The following ABCB1 variants were observed in gnomAD, a reference collection of about 807,000 sequenced individuals.
ABCB1 encodes the protein ATP binding cassette subfamily B member 1.
Under a neutral mutation model 142.0 loss-of-function variants are expected in ABCB1, and 69 were observed. That is an observed-to-expected ratio of 0.49 (90% CI 0.40 to 0.59). The LOEUF is 0.59. Ranked by LOEUF, ABCB1 falls within the 20% of genes least tolerant of loss-of-function variation. The pLI is 0.00. For missense variants in ABCB1, 1,326 were observed against 1,554.7 expected, an observed-to-expected ratio of 0.85 and a Z score of 2.47; for synonymous variants, 532 against 539.2, an observed-to-expected ratio of 0.99 and a Z score of 0.18.
chr7:87,700,663 A>G (rs1828950924), intron 1 of ABCB1: 1 of 968,438 alleles, frequency 1.0e-6, no homozygotes, highest in Non-Finnish European at 1.5e-6. Flanking sequence ...CTTAAGAAGC[A>G]TAATAAAATA....
At chr7:87,617,023 T>A (rs1380665017) in intron 1 of ABCB1, among the ~76,000 whole-genome samples, 2 of 152,024 alleles carry the variant, frequency 1.3e-5, no homozygotes, top group Non-Finnish European at 2.9e-5. Flanking sequence ...CTCATGGGAG[T>A]GGGATACAAG....
In ABCB1 at chr7:87,516,598, C is replaced by T. The variant is rs72552784; in HGVS notation, c.2995G>A (p.Ala999Thr). 6.2e-7 allele frequency: 1 copy of T among 1,614,164 alleles called. No homozygotes were observed. Among genetic ancestry groups the T allele is most frequent in the Non-Finnish European group, 8.5e-7 (1 of 1,180,038 alleles). ...TGGGCTGCTGATATTTTGGCTTTGG[C>T]ATAGTCAGGAGCAAATGAACTGACT... Reference protein sequence around the residue: ...GQVSSFAPDYAKAKISAAHII... With the variant: ...GQVSSFAPDYTKAKISAAHII... Residue 999 changes from alanine (A) to threonine (T), a missense_variant, in exon 24 of 28, where the codon GCC becomes ACC. Coordinates refer to ENST00000622132, the MANE Select transcript of ABCB1 (RefSeq NM_001348946.2).
In ABCB1 at chr7:87,664,504, A is replaced by G. The variant is rs1404624329; in HGVS notation, c.-331+48657T>C. On this transcript the variant is annotated intron_variant, in intron 1 of 28. Coordinates refer to the ABCB1 transcript ENST00000265724. Reference sequence around the variant, plus strand: ...AAAGCAGCCATTATAACCCTGCTCCATGATGTAAGGTGTAACTCTTGAAAT... The same window carrying G: ...AAAGCAGCCATTATAACCCTGCTCCGTGATGTAAGGTGTAACTCTTGAAAT... 3.9e-5 allele frequency among the ~76,000 whole-genome samples: 6 copies of G among 152,294 alleles called. No homozygotes were observed. In the East Asian group the frequency reaches 9.6e-4, roughly 24 times the overall value.
At chr7:87,526,706 T>C (rs1815796961) in intron 21 of ABCB1, among the ~76,000 whole-genome samples, 1 of 152,146 alleles carries the variant, frequency 6.6e-6, no homozygotes, top group Non-Finnish European at 1.5e-5. Flanking sequence ...CTAAGTACTT[T>C]CTGACTTCAA....
In ABCB1 at chr7:87,672,201, C is replaced by T. The variant is rs183036636; in HGVS notation, c.-331+40960G>A. On this transcript the variant is annotated intron_variant, in intron 1 of 28. Coordinates refer to the ABCB1 transcript ENST00000265724. ...CAGGCAGGGATGGCTAGAGGCCCCA[C>T]TTGGGAGGTTCCACCCATAGGAGGA... Among the ~76,000 whole-genome samples the T allele has an allele frequency of 1.5e-4, 23 of 152,288 alleles. No homozygotes were observed. The East Asian group carries it at 3.9e-3, about 26-fold the overall frequency.
At chr7:87,545,478 G>C (rs78397483) in intron 15 of ABCB1, among the ~76,000 whole-genome samples, 2 of 151,896 alleles carry the variant, frequency 1.3e-5, no homozygotes, top group African/African-American at 4.8e-5. Context: ...CCATGATATC[G>C]TTTCAACATG....
At chr7:87,658,604 TAAAGAC>T (rs1412591041) in intron 1 of ABCB1, among the ~76,000 whole-genome samples, 4 of 151,878 alleles carry the variant, frequency 2.6e-5, no homozygotes, top group Non-Finnish European at 4.4e-5. Context: ...AACCAATAAA[TAAAGAC>T]AAAGAAAAAA....
intron 14 of ABCB1, 136 bp downstream of exon 14, chr7:87,549,212 C>T: frequency 1.0e-6 from 1 of 985,538 alleles, no homozygotes; most frequent in Non-Finnish European, 1.5e-6. Context: ...AGGCCCAATG[C>T]TTTTATTTTA....
At chr7:87,626,484 T>C (rs566821655) in intron 1 of ABCB1, among the ~76,000 whole-genome samples, 1 of 13,696 alleles carries the variant, frequency 7.3e-5, no homozygotes, top group Non-Finnish European at 1.0e-4. Flanking sequence ...TATATATGTG[T>C]CATATATATG....
At chr7:87,568,119 A>G (rs1817859214) in intron 5 of ABCB1, among the ~76,000 whole-genome samples, 2 of 149,376 alleles carry the variant, frequency 1.3e-5, no homozygotes, top group African/African-American at 4.9e-5. Context: ...AAAAAAAGAA[A>G]AGCAAACAAT....
chr7:87,671,321 G>T (rs767903651), intron 1 of ABCB1, among the ~76,000 whole-genome samples: 22 of 152,188 alleles, frequency 1.4e-4, no homozygotes, highest in Non-Finnish European at 2.1e-4. Context: ...GTCTCAGAGA[G>T]GCTTTTAGTT....
At position 87,520,817 on chromosome 7, in the gene ABCB1, C is replaced by A. The variant is rs770181793; in HGVS notation, c.2745G>T (p.Lys915Asn). The change falls in exon 22 of 28, where the codon AAG (lysine) becomes AAT (asparagine). Residue 915 changes from lysine to asparagine, a missense_variant. Lys to Asn is a moderately conservative substitution (Grantham distance 94). Transcript: ENST00000622132. ...RTVVSLTQEQKFEHMYAQSLQ... is the reference protein window; with the variant it reads ...RTVVSLTQEQNFEHMYAQSLQ... Reference sequence around the variant, plus strand: ...AACTCTGAGCATACATATGTTCAAACTTCTGCTCCTGAGTCAAAGAAACAA... The same window carrying A: ...AACTCTGAGCATACATATGTTCAAAATTCTGCTCCTGAGTCAAAGAAACAA... 6.2e-7 allele frequency: 1 copy of A among 1,613,982 alleles called. No individual in the cohort carries two copies. The highest frequency in any genetic ancestry group is 1.1e-5 in the South Asian group (1 of 91,084).
intron 1 of ABCB1, among the ~76,000 whole-genome samples, chr7:87,702,556 G>A (rs1165540713): frequency 6.6e-6 from 1 of 152,090 alleles, no homozygotes; most frequent in Non-Finnish European, 1.5e-5. Flanking sequence ...CTGGATTACA[G>A]GCGTTGAGTC....
chr7:87,614,254 A>G (rs1191551057), intron 1 of ABCB1, among the ~76,000 whole-genome samples: 4 of 152,080 alleles, frequency 2.6e-5, no homozygotes, highest in African/African-American at 9.7e-5. Flanking sequence ...CAAATTAGCC[A>G]GATGTGGTGG....
At chr7:87,546,181 A>C (rs952416679) in intron 14 of ABCB1, among the ~76,000 whole-genome samples, 157 bp from the exon 15 acceptor site, 2 of 152,288 alleles carry the variant, frequency 1.3e-5, no homozygotes, top group Non-Finnish European at 2.9e-5. Flanking sequence ...TAGACAATTG[A>C]TAATAGTTAA....
At chr7:87,597,358 T>C (rs1235375165) in intron 2 of ABCB1, among the ~76,000 whole-genome samples, 1 of 152,110 alleles carries the variant, frequency 6.6e-6, no homozygotes, top group Non-Finnish European at 1.5e-5. Context: ...ATAGGACTAT[T>C]ATCCCAGCAT....
At chr7:87,651,019 G>C in intron 1 of ABCB1, 1 of 777,764 alleles carries the variant, frequency 1.3e-6, no homozygotes. Flanking sequence ...TACAGTCTGT[G>C]TGACTTAGAT....
rs201484093 is a variant in ABCB1, at chr7:87,550,756, G to A, written c.1082C>T (p.Ala361Val). The change falls in exon 10 of 28, where the codon GCA becomes GTA. Residue 361 changes from alanine to valine, a missense_variant. Transcript: ENST00000622132. ...SIEAFANARG[A>V]AYEIFKIIDN... ...AATTATCTTGAAGATTTCATAAGCT[G>A]CTCCTCTTGCATTTGCAAATGCTTC... 3.1e-6 allele frequency: 5 copies of A among 1,613,244 alleles called. No homozygotes were observed. Among genetic ancestry groups the A allele is most frequent in the South Asian group, 1.1e-5 (1 of 91,064 alleles).
At chr7:87,602,494 C>T (rs1307145217), upstream of ABCB1, among the ~76,000 whole-genome samples, 1 of 151,950 alleles carries the variant, frequency 6.6e-6, no homozygotes, top group African/African-American at 2.4e-5. Context: ...TTATTTGTGC[C>T]TATGATCTCT....
Sources: gnomAD v4.1 joint callset for allele counts (sites outside exome capture counted in the v4.1 genomes callset) on GRCh38, gnomAD v4.1.1 for gene constraint, MANE v1.5 for transcripts, NCBI Gene and HGNC (gene_info 2026-07-23, HGNC 2026-07-21) for gene names.